CXCR6: variants seen among roughly 807,000 people sequenced by gnomAD.
CXCR6 encodes the protein C-X-C chemokine receptor type 6.
Under a neutral mutation model 1.6 loss-of-function variants are expected in CXCR6, and 3 were observed. The observed-to-expected ratio is 1.83, with a 90% confidence interval of 0.83 to 4.72. The LOEUF (loss-of-function observed/expected upper bound fraction) is 4.72, where lower values mean the gene tolerates loss of function less well. Among genes scored for constraint, CXCR6 ranks in the 30% most tolerant of loss-of-function variants. The pLI, the probability that CXCR6 is intolerant of heterozygous loss-of-function variation, is 0.02. For synonymous variants in CXCR6, 171 were observed against 159.2 expected, an observed-to-expected ratio of 1.07 and a Z score of -0.56; for missense variants, 326 against 414.8, an observed-to-expected ratio of 0.79 and a Z score of 1.86.
At position 45,947,384 on chromosome 3, in the gene CXCR6, A is replaced by G. The variant is rs771296503; in HGVS notation, c.903A>G (p.Lys301=). The change falls in exon 2 of 2, where the codon AAA becomes AAG. Residue 301 remains lysine (K), a synonymous_variant. Transcript: ENST00000304552. The part of the protein sequence containing the change: ...VSLKFRKNFW[K]LVKDIGCLPY... Reference sequence around the variant, plus strand: ...TGAAGTTTCGAAAGAACTTCTGGAAACTTGTGAAGGACATTGGTTGCCTCC... The same window carrying G: ...TGAAGTTTCGAAAGAACTTCTGGAAGCTTGTGAAGGACATTGGTTGCCTCC... 4 of 1,614,250 alleles carry G rather than the reference A, an allele frequency of 2.5e-6. No homozygotes were observed. In the Admixed American group the frequency reaches 5.0e-5, roughly 20 times the overall value.
chr3:45,941,609 T>G (rs538856781), upstream of CXCR6, among the ~76,000 whole-genome samples: 1 of 152,226 alleles, frequency 6.6e-6, no homozygotes, highest in Non-Finnish European at 1.5e-5. Flanking sequence ...TGAAAGTCTT[T>G]TGTACTATAG....
rs777650347 is a variant in CXCR6, at chr3:45,947,372, G to C, written c.891G>C (p.Lys297Asn). The C allele has an allele frequency of 6.2e-7, 1 of 1,614,106 alleles. No individual in the cohort carries two copies. The highest frequency in any genetic ancestry group is 8.5e-7 in the Non-Finnish European group (1 of 1,180,052). ...LYAFVSLKFR[K>N]NFWKLVKDIG... ...CCTTTGTCAGCCTGAAGTTTCGAAA[G>C]AACTTCTGGAAACTTGTGAAGGACA... Residue 297 changes from lysine (K) to asparagine (N), a missense_variant, in exon 2 of 2, where the codon AAG becomes AAC. Coordinates refer to ENST00000304552, the MANE Select transcript of CXCR6 (RefSeq NM_006564.2).
chr3:45,946,523 T>C lies in CXCR6; in HGVS notation c.42T>C (p.Ser14=). The C allele has an allele frequency of 6.2e-7, 1 of 1,614,098 alleles. No individual in the cohort carries two copies. Among genetic ancestry groups the C allele is most frequent in the Non-Finnish European group, 8.5e-7 (1 of 1,179,970 alleles). ...ACCATGAAGACTATGGGTTCAGCAG[T>C]TTCAATGACAGCAGCCAGGAGGAGC... The part of the protein sequence containing the change: ...HDYHEDYGFS[S]FNDSSQEEHQ... The change falls in exon 2 of 2, where the codon AGT becomes AGC. Residue 14 remains serine (S), a synonymous_variant. Transcript: ENST00000304552.
Position 45,946,531 on chromosome 3 carries a change from A to T in CXCR6, c.50A>T (p.Asp17Val). Residue 17 changes from aspartate (D) to valine (V), a missense_variant, in exon 2 of 2, where the codon GAC becomes GTC. Asp to Val is a radical substitution (Grantham distance 152, BLOSUM62 -3). Transcript: ENST00000304552. ...GACTATGGGTTCAGCAGTTTCAATG[A>T]CAGCAGCCAGGAGGAGCATCAAGAC... ...HEDYGFSSFN[D>V]SSQEEHQDFL... is the part of the protein sequence containing the mutation. The T allele has an allele frequency of 6.2e-7, 1 of 1,614,212 alleles. No homozygotes were observed. The highest frequency in any genetic ancestry group is 8.5e-7 in the Non-Finnish European group (1 of 1,180,028).
Position 45,947,309 on chromosome 3 carries a change from C to T in CXCR6, c.828C>T (p.Ile276=), listed in dbSNP as rs140098665. ...FHYTIMVTEA[I]AYLRACLNPV... ...ACACCATCATGGTGACAGAGGCCATCGCATACCTGAGGGCCTGCCTTAACC... is the reference window on the plus strand; with the variant it reads ...ACACCATCATGGTGACAGAGGCCATTGCATACCTGAGGGCCTGCCTTAACC... Residue 276 remains isoleucine (I), a synonymous_variant, in exon 2 of 2, where the codon ATC becomes ATT. Transcript: ENST00000304552. 280 of 1,614,144 alleles carry T rather than the reference C, an allele frequency of 1.7e-4. No individual in the cohort carries two copies. Among genetic ancestry groups the T allele is most frequent in the Admixed American group, 4.8e-4 (29 of 60,022 alleles).
Position 45,946,864 on chromosome 3 carries a change from T to G in CXCR6, c.383T>G (p.Phe128Cys). 6.2e-7 allele frequency: 1 copy of G among 1,614,218 alleles called. No homozygotes were observed. The highest frequency in any genetic ancestry group is 8.5e-7 in the Non-Finnish European group (1 of 1,180,032). The change falls in exon 2 of 2, where the codon TTC becomes TGC. Residue 128 changes from phenylalanine to cysteine, a missense_variant. By Grantham distance (205) the Phe-to-Cys change is radical. Transcript: ENST00000304552. ...LILTCITVDR[F>C]IVVVKATKAY... ...CTCACCTGCATCACTGTGGATCGTT[T>G]CATTGTAGTGGTTAAGGCCACCAAG...
chr3:45,946,586 C>G lies in CXCR6; in HGVS notation c.105C>G (p.Pro35=). The G allele has an allele frequency of 6.2e-7, 1 of 1,614,192 alleles. No individual in the cohort carries two copies. The highest frequency in any genetic ancestry group is 8.5e-7 in the Non-Finnish European group (1 of 1,180,042). The stretch of plus-strand genomic sequence containing the variant: ...TGCAGTTCAGCAAGGTCTTTCTGCC[C>G]TGCATGTACCTGGTGGTGTTTGTCT... The part of the protein sequence containing the change: ...DFLQFSKVFL[P]CMYLVVFVCG... The change falls in exon 2 of 2, where the codon CCC becomes CCG. Residue 35 remains proline, a synonymous_variant. Coordinates refer to ENST00000304552, the MANE Select transcript of CXCR6 (RefSeq NM_006564.2).
At chr3:45,944,218 A>G (rs1047976878) in intron 1 of CXCR6, among the ~76,000 whole-genome samples, 35 of 150,352 alleles carry the variant, frequency 2.3e-4, no homozygotes, top group African/African-American at 3.2e-4. Flanking sequence ...GTGTGTGTGT[A>G]TATATATATA....
Position 45,947,035 on chromosome 3 carries a change from A to C in CXCR6, c.554A>C (p.Glu185Ala). 1 of 1,614,194 alleles carries C rather than the reference A, an allele frequency of 6.2e-7. No individual in the cohort carries two copies. ...LDKLICGYHD[E>A]AISTVVLATQ... ...AAGCTCATATGTGGTTACCATGACG[A>C]GGCAATTTCCACTGTGGTTCTTGCC... The change falls in exon 2 of 2, where the codon GAG becomes GCG. Residue 185 changes from glutamate to alanine, a missense_variant. Physicochemically the swap from Glu to Ala is moderately radical, Grantham distance 107. Coordinates refer to ENST00000304552, the MANE Select transcript of CXCR6 (RefSeq NM_006564.2).
At chr3:45,942,644 G>A (rs1704301199), upstream of CXCR6, among the ~76,000 whole-genome samples, 1 of 152,210 alleles carries the variant, frequency 6.6e-6, no homozygotes, top group African/African-American at 2.4e-5. Context: ...AGGCTGACAT[G>A]CCTCCAATTC....
rs781139245 is a variant in CXCR6, at chr3:45,946,795, T to C, written c.314T>C (p.Leu105Pro). The C allele has an allele frequency of 6.2e-7, 1 of 1,613,652 alleles. No individual in the cohort carries two copies. The highest frequency in any genetic ancestry group is 8.5e-7 in the Non-Finnish European group (1 of 1,179,874). Reference protein sequence around the residue: ...WVFGQVMCKSLLGIYTINFYT... With the variant: ...WVFGQVMCKSPLGIYTINFYT... ...TTTGGCCAGGTCATGTGCAAGAGCC[T>C]ACTGGGCATCTACACTATTAACTTC... Residue 105 changes from leucine (L) to proline (P), a missense_variant, in exon 2 of 2, where the codon CTA (leucine) becomes CCA (proline). Transcript: ENST00000304552.
At chr3:45,946,225 C>T (rs1317360794) in intron 1 of CXCR6, 2 of 455,132 alleles carry the variant, frequency 4.4e-6, no homozygotes, top group Non-Finnish European at 4.0e-6. Flanking sequence ...TGAGTTGTCT[C>T]CCAGATGGGT....
chr3:45,946,334 T>C (rs1704601038), intron 1 of CXCR6, 127 bp from the exon 2 acceptor site: 1 of 667,594 alleles, frequency 1.5e-6, no homozygotes, highest in African/African-American at 1.8e-5. Context: ...CTGTGCTGTT[T>C]CTACACATCC....
At chr3:45,945,232 T>C (rs969181536) in intron 1 of CXCR6, 20 of 152,238 alleles carry the variant, frequency 1.3e-4, no homozygotes, top group African/African-American at 4.8e-4. Context: ...TATTTTGACT[T>C]TGCTGGCAGA....
At chr3:45,945,435 T>C (rs55670308) in intron 1 of CXCR6, 80 of 152,366 alleles carry the variant, frequency 5.3e-4, no homozygotes, top group African/African-American at 1.9e-3. Context: ...TGATCCCTTG[T>C]CCTGTCCATG....
Position 45,947,116 on chromosome 3 carries a change from C to T in CXCR6, c.635C>T (p.Ser212Leu). The T allele has an allele frequency of 6.2e-7, 1 of 1,614,170 alleles. No homozygotes were observed. The highest frequency in any genetic ancestry group is 8.5e-7 in the Non-Finnish European group (1 of 1,179,998). ...CTGCTCACCATGATTGTCTGCTATT[C>T]AGTCATAATCAAAACACTGCTTCAT... ...LPLLTMIVCY[S>L]VIIKTLLHAG... Residue 212 changes from serine (S) to leucine (L), a missense_variant, in exon 2 of 2, where the codon TCA becomes TTA. Ser to Leu is a moderately radical substitution (Grantham distance 145). Transcript: ENST00000304552.
intron 1 of CXCR6, among the ~76,000 whole-genome samples, chr3:45,944,086 T>C (rs1704421682): frequency 6.6e-6 from 1 of 152,130 alleles, no homozygotes; most frequent in Admixed American, 6.5e-5. Context: ...TAAAATCACA[T>C]AGTTTATCAT....
At position 45,946,586 on chromosome 3, in the gene CXCR6, C is replaced by T; in HGVS notation, c.105C>T (p.Pro35=). Residue 35 remains proline (P), a synonymous_variant, in exon 2 of 2, where the codon CCC becomes CCT. Coordinates refer to ENST00000304552, the MANE Select transcript of CXCR6 (RefSeq NM_006564.2). ...DFLQFSKVFL[P]CMYLVVFVCG... The stretch of plus-strand genomic sequence containing the variant: ...TGCAGTTCAGCAAGGTCTTTCTGCC[C>T]TGCATGTACCTGGTGGTGTTTGTCT... 6.2e-7 allele frequency: 1 copy of T among 1,614,192 alleles called. No individual in the cohort carries two copies. The highest frequency in any genetic ancestry group is 8.5e-7 in the Non-Finnish European group (1 of 1,180,042).
At position 45,947,122 on chromosome 3, in the gene CXCR6, T is replaced by C. The variant is rs763564057; in HGVS notation, c.641T>C (p.Ile214Thr). Reference sequence around the variant, plus strand: ...ACCATGATTGTCTGCTATTCAGTCATAATCAAAACACTGCTTCATGCTGGA... The same window carrying C: ...ACCATGATTGTCTGCTATTCAGTCACAATCAAAACACTGCTTCATGCTGGA... ...LLTMIVCYSVIIKTLLHAGGF... is the reference protein window; with the variant it reads ...LLTMIVCYSVTIKTLLHAGGF... Residue 214 changes from isoleucine (I) to threonine (T), a missense_variant, in exon 2 of 2, where the codon ATA (isoleucine) becomes ACA (threonine). By Grantham distance (89) the Ile-to-Thr change is moderately conservative. Transcript: ENST00000304552. 1 of 1,614,272 alleles carries C rather than the reference T, an allele frequency of 6.2e-7. No homozygotes were observed. Among genetic ancestry groups the C allele is most frequent in the South Asian group, 1.1e-5 (1 of 91,090 alleles).
Sources: allele counts gnomAD v4.1 joint callset (sites outside exome capture counted in the v4.1 genomes callset), GRCh38; gene constraint gnomAD v4.1.1; transcripts MANE v1.5; gene names NCBI Gene and HGNC (gene_info 2026-07-23, HGNC 2026-07-21).